Variants in LNX1 observed in about 807,000 individuals in gnomAD.
LNX1 encodes the protein E3 ubiquitin-protein ligase LNX.
A neutral mutation model predicts 68.4 loss-of-function variants in LNX1; 54 were observed. The ratio of observed to expected loss-of-function variants is 0.79; its 90% CI spans 0.63 to 0.99. The LOEUF is 0.99. Among genes scored for constraint, LNX1 ranks in the 50% least tolerant of loss-of-function variants. LNX1 has a pLI of 0.00. For missense variants in LNX1, 906 were observed against 926.4 expected, an observed-to-expected ratio of 0.98 and a Z score of 0.29; for synonymous variants, 336 against 350.0, an observed-to-expected ratio of 0.96 and a Z score of 0.45.
At chr4:53,550,413 A>G (rs897906300) in intron 2 of LNX1, among the ~76,000 whole-genome samples, 2 of 152,238 alleles carry the variant, frequency 1.3e-5, no homozygotes, top group Non-Finnish European at 2.9e-5. Flanking sequence ...TCAGATGCTC[A>G]AAACACAGGA....
At chr4:53,496,928 T>C (rs1264455257) in intron 5 of LNX1, among the ~76,000 whole-genome samples, 1 of 152,150 alleles carries the variant, frequency 6.6e-6, no homozygotes, top group Non-Finnish European at 1.5e-5. Flanking sequence ...AGGGTCTGAG[T>C]GTGTGAGCAC....
chr4:53,632,418 T>C (rs777783235), intron 1 of LNX1, among the ~76,000 whole-genome samples: 1 of 152,172 alleles, frequency 6.6e-6, no homozygotes, highest in Non-Finnish European at 1.5e-5. Flanking sequence ...TGCCTTCTGC[T>C]AAATAGCTGC....
At chr4:53,638,211 C>T (rs1394030453) in intron 1 of LNX1, among the ~76,000 whole-genome samples, 1 of 152,164 alleles carries the variant, frequency 6.6e-6, no homozygotes, top group Admixed American at 6.6e-5. Context: ...CTTGGCTTCT[C>T]TGCTGGGTTT....
rs1242849516 is a variant in LNX1 at position 53,507,989 on chromosome 4, T to C, written c.619A>G (p.Arg207Gly). Residue 207 changes from arginine to glycine, a missense_variant, in exon 3 of 11, where the codon AGG becomes GGG. Transcript: ENST00000263925. ...GACAACCACCCATTTGACTCACCCC[T>C]AGTTCGGTTGCTCCGGCCAGAGTCC... Reference protein sequence around the residue: ...PVDSGRSNRTRARPFERSTIR... With the variant: ...PVDSGRSNRTGARPFERSTIR... The C allele has an allele frequency of 3.7e-6, 6 of 1,613,214 alleles. No individual in the cohort carries two copies. The East Asian group carries it at 1.3e-4, about 36-fold the overall frequency.
intron 2 of LNX1, among the ~76,000 whole-genome samples, chr4:53,550,393 A>G (rs1386847497): frequency 6.6e-6 from 1 of 152,212 alleles, no homozygotes; most frequent in Non-Finnish European, 1.5e-5. Flanking sequence ...GTCCTCGTCC[A>G]AATTCTACTT....
chr4:53,466,698 C>A (rs1722711342), intron 9 of LNX1, among the ~76,000 whole-genome samples: 2 of 152,246 alleles, frequency 1.3e-5, no homozygotes, highest in Non-Finnish European at 1.5e-5. Flanking sequence ...ATATCCCGCA[C>A]CTGGCTCGGA....
intron 9 of LNX1, among the ~76,000 whole-genome samples, chr4:53,471,265 T>G (rs548696691): frequency 5.3e-5 from 8 of 151,982 alleles, no homozygotes; most frequent in African/African-American, 1.9e-4. Context: ...TAATAAATGG[T>G]GCTGGGAAAA....
intron 2 of LNX1, among the ~76,000 whole-genome samples, chr4:53,519,171 G>A (rs1033727774): frequency 2.0e-5 from 3 of 152,234 alleles, no homozygotes; most frequent in African/African-American, 7.2e-5. Context: ...CAGGCAGCAA[G>A]CATCGTAGAA....
upstream of LNX1, among the ~76,000 whole-genome samples, chr4:53,619,708 A>G (rs116185707): frequency 9.4e-3 from 1,428 of 152,286 alleles, 14 homozygotes; most frequent in African/African-American, 0.032. Context: ...AATGTTTTCA[A>G]TTCTACTGGA....
intron 3 of LNX1, 114 bp downstream of exon 3, chr4:53,507,872 A>G: frequency 7.3e-7 from 1 of 1,373,894 alleles, no homozygotes; most frequent in Non-Finnish European, 9.8e-7. Flanking sequence ...TGCCAAAACT[A>G]CCAGAACGAT....
intron 9 of LNX1, among the ~76,000 whole-genome samples, chr4:53,474,884 A>G (rs1004733921): frequency 5.9e-5 from 9 of 152,176 alleles, no homozygotes; most frequent in Admixed American, 2.0e-4. Context: ...CTCATGCCTC[A>G]GCCTCCCGAG....
chr4:53,620,962 T>C (rs573225081), upstream of LNX1, among the ~76,000 whole-genome samples: 1 of 152,178 alleles, frequency 6.6e-6, no homozygotes, highest in African/African-American at 2.4e-5. Flanking sequence ...CAATTATAGT[T>C]GTTACTCCTG....
At chr4:53,603,196 T>C (rs1289224292) in intron 2 of LNX1, among the ~76,000 whole-genome samples, 2 of 152,218 alleles carry the variant, frequency 1.3e-5, no homozygotes, top group African/African-American at 2.4e-5. Flanking sequence ...CGTGGGGCCA[T>C]GGAGGACTCC....
intron 4 of LNX1, among the ~76,000 whole-genome samples, chr4:53,502,993 C>A (rs374355140): frequency 2.0e-5 from 3 of 151,136 alleles, no homozygotes; most frequent in East Asian, 3.9e-4. Context: ...TGCAGTGGTG[C>A]GATCTCGGCT....
intron 1 of LNX1, among the ~76,000 whole-genome samples, chr4:53,583,674 G>A (rs1352318663): frequency 6.6e-6 from 1 of 152,188 alleles, no homozygotes; most frequent in Non-Finnish European, 1.5e-5. Flanking sequence ...GGACATAGAT[G>A]TTCAGAATGT....
chr4:53,583,464 C>A (rs1731957754), intron 1 of LNX1, among the ~76,000 whole-genome samples: 1 of 151,966 alleles, frequency 6.6e-6, no homozygotes, highest in African/African-American at 2.4e-5. Flanking sequence ...ATTTCTAAAT[C>A]AATGATCTCG....
chr4:53,635,144 T>A (rs1007439977), intron 1 of LNX1, among the ~76,000 whole-genome samples: 3 of 152,190 alleles, frequency 2.0e-5, no homozygotes, highest in Non-Finnish European at 2.9e-5. Context: ...TCTGCCTTTT[T>A]GAAAACAAGC....
intron 7 of LNX1, among the ~76,000 whole-genome samples, chr4:53,479,094 A>G (rs1421967675): frequency 6.6e-6 from 1 of 152,170 alleles, no homozygotes; most frequent in Non-Finnish European, 1.5e-5. Flanking sequence ...GAGAAAAAGT[A>G]TTGCTTTGTT....
upstream of LNX1, among the ~76,000 whole-genome samples, chr4:53,595,827 G>A (rs1037654255): frequency 1.3e-5 from 2 of 152,132 alleles, no homozygotes; most frequent in African/African-American, 4.8e-5. Flanking sequence ...CGAAGACCAT[G>A]CCTTGTGATT....
Sources: gnomAD v4.1 joint callset for allele counts (sites outside exome capture counted in the v4.1 genomes callset) on GRCh38, gnomAD v4.1.1 for gene constraint, MANE v1.5 for transcripts, NCBI Gene and HGNC (gene_info 2026-07-23, HGNC 2026-07-21) for gene names.